Variants in NPAS3 observed in about 807,000 individuals in gnomAD.
NPAS3 encodes the protein neuronal PAS domain-containing protein 3.
A neutral mutation model predicts 73.1 loss-of-function variants in NPAS3; 14 were observed. The observed-to-expected ratio is 0.19, with a 90% confidence interval of 0.13 to 0.30. The LOEUF (loss-of-function observed/expected upper bound fraction) is 0.30. NPAS3 is among the 10% of genes least tolerant of loss of function. NPAS3 has a pLI of 1.00. For synonymous variants in NPAS3, 620 were observed against 541.5 expected, an observed-to-expected ratio of 1.14 and a Z score of -2.01; for missense variants, 1,096 against 1,250.0, an observed-to-expected ratio of 0.88 and a Z score of 1.86.
chr14:33,112,948 G>A (rs1045670313), intron 2 of NPAS3, among the ~76,000 whole-genome samples: 1 of 152,024 alleles, frequency 6.6e-6, no homozygotes, highest in African/African-American at 2.4e-5. Context: ...TTTTGTTTTT[G>A]TCAGGTTTGT....
At chr14:33,498,426 A>G (rs1294685307) in intron 4 of NPAS3, among the ~76,000 whole-genome samples, 2 of 152,102 alleles carry the variant, frequency 1.3e-5, no homozygotes, top group Non-Finnish European at 2.9e-5. Flanking sequence ...ACAATAGCAA[A>G]GTCTTGGAAC....
chr14:33,123,085 A>G (rs2043290834), intron 2 of NPAS3, among the ~76,000 whole-genome samples: 1 of 142,948 alleles, frequency 7.0e-6, no homozygotes. Context: ...TTTAAACAAC[A>G]TTTTATTTTA....
intron 2 of NPAS3, 195 bp from the exon 3 acceptor site, chr14:33,214,987 C>T: frequency 1.7e-6 from 1 of 598,498 alleles, no homozygotes; most frequent in Non-Finnish European, 2.9e-6. Context: ...CTTGAGTTTA[C>T]AAAATGTAAG....
intron 5 of NPAS3, among the ~76,000 whole-genome samples, chr14:33,659,454 G>C (rs1230167179): frequency 6.6e-6 from 1 of 152,188 alleles, no homozygotes; most frequent in African/African-American, 2.4e-5. Flanking sequence ...AACTGGACCT[G>C]ACTGTCCCAG....
chr14:33,460,359 T>C (rs2050206812), intron 4 of NPAS3, among the ~76,000 whole-genome samples: 1 of 152,180 alleles, frequency 6.6e-6, no homozygotes, highest in African/African-American at 2.4e-5. Flanking sequence ...TGAAGTAGGC[T>C]GGCTACCAAC....
chr14:32,994,115 G>A (rs2038453701), intron 1 of NPAS3, among the ~76,000 whole-genome samples: 1 of 152,138 alleles, frequency 6.6e-6, no homozygotes, highest in African/African-American at 2.4e-5. Context: ...GTTTTCTGGG[G>A]GAGCTGGAGG....
intron 6 of NPAS3, among the ~76,000 whole-genome samples, chr14:33,692,935 T>C (rs117119285): frequency 0.012 from 1,731 of 150,226 alleles, 25 homozygotes; most frequent in Non-Finnish European, 0.013. Flanking sequence ...ACTGAACTTG[T>C]AGCAAAGTGA....
intron 4 of NPAS3, among the ~76,000 whole-genome samples, chr14:33,536,146 C>T (rs184586677): frequency 2.6e-5 from 4 of 152,238 alleles, no homozygotes; most frequent in East Asian, 1.9e-4. Context: ...AGCTCCCTAC[C>T]GTTCCACAGC....
chr14:33,033,890 A>G (rs1390081831), intron 1 of NPAS3, among the ~76,000 whole-genome samples: 5 of 152,232 alleles, frequency 3.3e-5, no homozygotes, highest in Non-Finnish European at 2.9e-5. Context: ...ACTGGCCTTT[A>G]GCCTTTGAAG....
At chr14:33,064,898 G>C (rs1287437988) in intron 2 of NPAS3, among the ~76,000 whole-genome samples, 1 of 152,096 alleles carries the variant, frequency 6.6e-6, no homozygotes, top group African/African-American at 2.4e-5. Context: ...GACTCGGCTG[G>C]GAAATGTCTG....
chr14:33,460,817 A>G (rs1050479310), intron 4 of NPAS3, among the ~76,000 whole-genome samples: 6 of 152,238 alleles, frequency 3.9e-5, no homozygotes, highest in Admixed American at 3.9e-4. Flanking sequence ...TAACAAAACT[A>G]GATTTACAGA....
intron 5 of NPAS3, among the ~76,000 whole-genome samples, chr14:33,611,609 C>G (rs2057750991): frequency 6.6e-6 from 1 of 152,196 alleles, no homozygotes; most frequent in Non-Finnish European, 1.5e-5. Flanking sequence ...CAGTTATTCA[C>G]TCACAGCATG....
chr14:32,978,031 A>G (rs1232274424), intron 1 of NPAS3, among the ~76,000 whole-genome samples: 1 of 152,196 alleles, frequency 6.6e-6, no homozygotes, highest in Non-Finnish European at 1.5e-5. Context: ...CCAGTTTATT[A>G]TCTCATTTAA....
intron 5 of NPAS3, among the ~76,000 whole-genome samples, chr14:33,654,033 G>A (rs1386961319): frequency 6.6e-6 from 1 of 152,164 alleles, no homozygotes; most frequent in Non-Finnish European, 1.5e-5. Flanking sequence ...AAGACAGCCA[G>A]CAGTGAGTAA....
At chr14:33,449,795 A>C (rs185531259) in intron 4 of NPAS3, among the ~76,000 whole-genome samples, 1 of 152,314 alleles carries the variant, frequency 6.6e-6, no homozygotes. Flanking sequence ...CCTAAGTGAA[A>C]TCTGTCCTTT....
At chr14:33,038,194 A>G (rs1285155158) in intron 1 of NPAS3, among the ~76,000 whole-genome samples, 1 of 152,230 alleles carries the variant, frequency 6.6e-6, no homozygotes, top group Non-Finnish European at 1.5e-5. Flanking sequence ...TGATTTTTAA[A>G]AATCTATCAA....
At chr14:33,250,939 C>T (rs1313019839) in intron 3 of NPAS3, among the ~76,000 whole-genome samples, 1 of 151,972 alleles carries the variant, frequency 6.6e-6, no homozygotes, top group African/African-American at 2.4e-5. Context: ...AACAAATGCA[C>T]AAATAGATGT....
chr14:33,446,638 A>G (rs564075962), intron 4 of NPAS3, among the ~76,000 whole-genome samples: 3 of 152,190 alleles, frequency 2.0e-5, no homozygotes, highest in Non-Finnish European at 4.4e-5. Flanking sequence ...GTTTCCATTG[A>G]ATCATCCTTG....
chr14:33,544,785 G>A (rs550050813), intron 4 of NPAS3, among the ~76,000 whole-genome samples: 2 of 56,848 alleles, frequency 3.5e-5, no homozygotes, highest in African/African-American at 1.1e-4. Context: ...TTATGTGTGT[G>A]TATTATATAT....
Sources: gnomAD v4.1 joint callset for allele counts (sites outside exome capture counted in the v4.1 genomes callset) on GRCh38, gnomAD v4.1.1 for gene constraint, MANE v1.5 for transcripts, NCBI Gene and HGNC (gene_info 2026-07-23, HGNC 2026-07-21) for gene names.